Variants in PCNX2 observed in about 807,000 individuals in gnomAD.
The protein encoded by PCNX2 is pecanex-like protein 2.
Under a neutral mutation model 223.8 loss-of-function variants are expected in PCNX2, and 168 were observed. The ratio of observed to expected loss-of-function variants is 0.75; its 90% CI spans 0.66 to 0.85. The LOEUF is 0.85. Ranked by LOEUF, PCNX2 falls within the 40% of genes least tolerant of loss-of-function variation. The probability of loss-of-function intolerance (pLI) is 0.00; values close to 1 mark genes in which losing one functional copy is unlikely to be tolerated. For synonymous variants in PCNX2, 1,006 were observed against 1,052.6 expected (o/e 0.96, Z 0.86); for missense variants, 2,507 against 2,675.5 (o/e 0.94, Z 1.39).
chr1:233,220,592 G>C (rs996481160), intron 10 of PCNX2, among the ~76,000 whole-genome samples: 2 of 151,418 alleles, frequency 1.3e-5, no homozygotes, highest in Middle Eastern at 3.5e-3. Context: ...TTCTTGGTGG[G>C]GTGTTTCTTT....
At chr1:233,069,543 A>G (rs928647339) in intron 23 of PCNX2, among the ~76,000 whole-genome samples, 1 of 152,196 alleles carries the variant, frequency 6.6e-6, no homozygotes, top group African/African-American at 2.4e-5. Context: ...AACTAGAAAT[A>G]CATAACACAA....
chr1:233,258,232 T>C lies in PCNX2; in HGVS notation c.1630A>G (p.Ser544Gly). 5 of 1,613,984 alleles carry C rather than the reference T, an allele frequency of 3.1e-6. No individual in the cohort carries two copies. The highest frequency in any genetic ancestry group is 4.2e-6 in the Non-Finnish European group (5 of 1,179,888). ...GTATCGTTAACAATTTCTGCAGAAC[T>C]TTTACTCAAGAAGACATCTGTCCCA... ...DSGTDVFLSK[S>G]SAEIVNDTEK... is the part of the protein sequence containing the mutation. Residue 544 changes from serine (S) to glycine (G), a missense_variant, in exon 5 of 34, where the codon AGT becomes GGT. By Grantham distance (56) the Ser-to-Gly change is moderately conservative. Transcript: ENST00000258229.
At chr1:233,009,207 T>G (rs181779995) in intron 28 of PCNX2, among the ~76,000 whole-genome samples, 1 of 152,220 alleles carries the variant, frequency 6.6e-6, no homozygotes, top group Non-Finnish European at 1.5e-5. Context: ...TCTCCTAACT[T>G]GCATTAGCAC....
intron 1 of PCNX2, chr1:233,289,308 G>A (rs1661626128): frequency 2.0e-6 from 2 of 998,716 alleles, no homozygotes; most frequent in Admixed American, 3.4e-5. Flanking sequence ...TTCCTTGGCT[G>A]CCATAATATT....
At chr1:233,244,660 G>A (rs1244227962) in intron 8 of PCNX2, among the ~76,000 whole-genome samples, 3 of 151,818 alleles carry the variant, frequency 2.0e-5, no homozygotes, top group Non-Finnish European at 2.9e-5. Flanking sequence ...GTGGTGAGCC[G>A]AGATCACATC....
At chr1:233,064,829 T>C (rs983731586) in intron 23 of PCNX2, among the ~76,000 whole-genome samples, 1 of 152,202 alleles carries the variant, frequency 6.6e-6, no homozygotes, top group African/African-American at 2.4e-5. Flanking sequence ...TGAAAACTTC[T>C]AAACCAGATT....
intron 26 of PCNX2, among the ~76,000 whole-genome samples, chr1:233,023,953 C>T (rs1003868143): frequency 2.0e-5 from 3 of 152,214 alleles, no homozygotes; most frequent in African/African-American, 7.2e-5. Flanking sequence ...ATCCCCATTA[C>T]CCAGGCTGGA....
intron 23 of PCNX2, chr1:233,089,786 A>T: frequency 1.0e-6 from 1 of 996,716 alleles, no homozygotes; most frequent in Non-Finnish European, 1.3e-6. Context: ...GTCACCTACG[A>T]AAATTTGGCA....
intron 30 of PCNX2, 137 bp from the exon 31 acceptor site, chr1:232,999,516 C>T (rs575104540): frequency 2.6e-5 from 26 of 1,004,872 alleles, no homozygotes; most frequent in Non-Finnish European, 3.4e-5. Flanking sequence ...TGCAATGGTG[C>T]AATCTCAGCT....
In PCNX2 at chr1:233,049,862, G is replaced by GAC. The variant is rs59343612; in HGVS notation, c.4351+4404_4351+4405dup. Among the ~76,000 whole-genome samples, 835 of 149,292 alleles carry GAC rather than the reference G, an allele frequency of 5.6e-3. 5 individuals are homozygous for GAC. The highest frequency in any genetic ancestry group is 9.3e-3 in the African/African-American group (383 of 40,980). On this transcript the variant is annotated intron_variant, in intron 25 of 33. Transcript: ENST00000258229. The stretch of plus-strand genomic sequence containing the variant: ...AAAAAACACAATCTCATTTACAATA[G>GAC]ACACACACACACACACACACACACA...
rs1309920412 is a variant in PCNX2 at position 233,153,459 on chromosome 1, T to A, written c.3517+6824A>T. 2.6e-5 allele frequency among the ~76,000 whole-genome samples: 4 copies of A among 152,060 alleles called. No homozygotes were observed. In the South Asian group the frequency reaches 8.3e-4, roughly 32 times the overall value. ...CAAAAACAAACATTTGAATAAGAAATATAATCAAGGTCTATACTACTGGAC... is the reference window on the plus strand; with the variant it reads ...CAAAAACAAACATTTGAATAAGAAAAATAATCAAGGTCTATACTACTGGAC... On this transcript the variant is annotated intron_variant, in intron 19 of 33. Coordinates refer to ENST00000258229, the MANE Select transcript of PCNX2 (RefSeq NM_014801.4).
At chr1:233,103,100 T>A (rs1674583830) in intron 21 of PCNX2, among the ~76,000 whole-genome samples, 1 of 152,078 alleles carries the variant, frequency 6.6e-6, no homozygotes, top group South Asian at 2.1e-4. Flanking sequence ...AATATACATA[T>A]CCAGTTTTTC....
upstream of PCNX2, among the ~76,000 whole-genome samples, chr1:233,296,225 T>C (rs1313466925): frequency 6.6e-6 from 1 of 152,140 alleles, no homozygotes; most frequent in African/African-American, 2.4e-5. Flanking sequence ...TTCTCCTTAA[T>C]TAAGGGCTGA....
At chr1:233,184,000 T>A (rs1488771798) in intron 15 of PCNX2, among the ~76,000 whole-genome samples, 1 of 152,246 alleles carries the variant, frequency 6.6e-6, no homozygotes, top group Non-Finnish European at 1.5e-5. Flanking sequence ...TTTCATTTCA[T>A]ACTTGACCAT....
At chr1:233,186,189 ACTTT>A (rs1680086676) in intron 15 of PCNX2, among the ~76,000 whole-genome samples, 1 of 152,188 alleles carries the variant, frequency 6.6e-6, no homozygotes, top group South Asian at 2.1e-4. Context: ...AGGTTTAAAT[ACTTT>A]CTTTTTAAAG....
chr1:233,178,396 T>G (rs1043583200), intron 16 of PCNX2, among the ~76,000 whole-genome samples: 4 of 152,216 alleles, frequency 2.6e-5, no homozygotes, highest in Admixed American at 2.6e-4. Context: ...ACAAATTACA[T>G]AAGATGCTAC....
At chr1:233,160,736 C>T (rs1176722316) in intron 18 of PCNX2, among the ~76,000 whole-genome samples, 1 of 152,122 alleles carries the variant, frequency 6.6e-6, no homozygotes, top group Non-Finnish European at 1.5e-5. Context: ...CCATGCAGCT[C>T]ACAGACATTT....
chr1:233,157,697 A>G (rs569825718), intron 19 of PCNX2, among the ~76,000 whole-genome samples: 1 of 152,364 alleles, frequency 6.6e-6, no homozygotes, highest in South Asian at 2.1e-4. Context: ...CCTAAGAGGC[A>G]GAAGTCCAGG....
intron 28 of PCNX2, among the ~76,000 whole-genome samples, chr1:233,009,414 T>C (rs1181156834): frequency 6.6e-6 from 1 of 152,228 alleles, no homozygotes; most frequent in Non-Finnish European, 1.5e-5. Flanking sequence ...TTCAGTGATA[T>C]TGGTGATATT....
Sources: allele counts gnomAD v4.1 joint callset (sites outside exome capture counted in the v4.1 genomes callset), GRCh38; gene constraint gnomAD v4.1.1; transcripts MANE v1.5; gene names NCBI Gene and HGNC (gene_info 2026-07-23, HGNC 2026-07-21).